The following PLEKHA7 variants were observed in gnomAD, a reference collection of about 807,000 sequenced individuals.
PLEKHA7 encodes the protein pleckstrin homology domain containing A7.
Under a neutral mutation model 170.0 loss-of-function variants are expected in PLEKHA7, and 104 were observed. The ratio of observed to expected loss-of-function variants is 0.61; its 90% CI spans 0.52 to 0.72. PLEKHA7 has a LOEUF of 0.72. Ranked by LOEUF, PLEKHA7 falls within the 30% of genes least tolerant of loss-of-function variation. The pLI, the probability that PLEKHA7 is intolerant of heterozygous loss-of-function variation, is 0.00. For missense variants in PLEKHA7, 1,615 were observed against 1,671.7 expected, an observed-to-expected ratio of 0.97 and a Z score of 0.59; for synonymous variants, 648 against 660.8, an observed-to-expected ratio of 0.98 and a Z score of 0.30.
At chr11:16,900,857 T>C (rs10832697) in intron 3 of PLEKHA7, among the ~76,000 whole-genome samples, 2 of 151,828 alleles carry the variant, frequency 1.3e-5, no homozygotes, top group Admixed American at 6.6e-5. Flanking sequence ...TTTATTTTTT[T>C]TTTTTTTTGA....
chr11:16,783,061 C>A (rs1849155035), intron 25 of PLEKHA7, among the ~76,000 whole-genome samples, 165 bp from the exon 26 acceptor site: 1 of 152,218 alleles, frequency 6.6e-6, no homozygotes, highest in Non-Finnish European at 1.5e-5. Context: ...CCCAAACACC[C>A]AAACGGTCCC....
chr11:16,838,697 T>TC (rs1851718306), intron 9 of PLEKHA7, among the ~76,000 whole-genome samples: 1 of 143,014 alleles, frequency 7.0e-6, no homozygotes, highest in South Asian at 2.3e-4. Context: ...AGTTTTCTTT[T>TC]TTTTTTTTTT....
intron 3 of PLEKHA7, among the ~76,000 whole-genome samples, chr11:16,995,666 G>T (rs529810945): frequency 6.6e-6 from 1 of 152,170 alleles, no homozygotes; most frequent in South Asian, 2.1e-4. Context: ...CAGGTAAATG[G>T]ACTTAAAATT....
intron 3 of PLEKHA7, among the ~76,000 whole-genome samples, chr11:16,981,157 A>T (rs1863403892): frequency 6.6e-6 from 1 of 152,236 alleles, no homozygotes; most frequent in Admixed American, 6.5e-5. Flanking sequence ...GGCCCTTACA[A>T]GGAATGGAAT....
At chr11:16,830,551 C>T (rs1310182098) in intron 9 of PLEKHA7, among the ~76,000 whole-genome samples, 1 of 152,188 alleles carries the variant, frequency 6.6e-6, no homozygotes, top group Non-Finnish European at 1.5e-5. Flanking sequence ...GACAGTGAAA[C>T]AAATATGCCA....
At chr11:16,818,791 CTTT>C in intron 10 of PLEKHA7, among the ~76,000 whole-genome samples, 1 of 148,724 alleles carries the variant, frequency 6.7e-6, no homozygotes, top group South Asian at 2.1e-4. Context: ...TATTTTCTTT[CTTT>C]TTTTTTTCTC....
intron 13 of PLEKHA7, among the ~76,000 whole-genome samples, chr11:16,808,818 C>T (rs1849161930): frequency 6.6e-6 from 1 of 152,190 alleles, no homozygotes; most frequent in Non-Finnish European, 1.5e-5. Flanking sequence ...AAGAGCAGAA[C>T]TTCAATGCCA....
chr11:16,957,406 A>G lies in PLEKHA7; in HGVS notation c.221+56583T>C, dbSNP rs112579292. The stretch of plus-strand genomic sequence containing the variant: ...CTTATTTAAATCGATCAATAAAAGC[A>G]TATCCAGCAGCCATTAAAAATTATC... On this transcript the variant is annotated intron_variant, in intron 3 of 26. Transcript: ENST00000531066. 4.2e-3 allele frequency among the ~76,000 whole-genome samples: 637 copies of G among 152,382 alleles called. 3 individuals are homozygous for G. The highest frequency in any genetic ancestry group is 0.014 in the African/African-American group (598 of 41,596).
chr11:16,860,395 T>A (rs990964254), intron 4 of PLEKHA7, among the ~76,000 whole-genome samples: 1 of 152,138 alleles, frequency 6.6e-6, no homozygotes, highest in African/African-American at 2.4e-5. Context: ...AGGCTCTCAA[T>A]CAACGGTGTG....
Position 17,014,373 on chromosome 11 carries a change from G to C in PLEKHA7, c.29C>G (p.Thr10Ser), listed in dbSNP as rs907753809. The C allele has an allele frequency of 4.3e-6, 6 of 1,407,542 alleles. No homozygotes were observed. The highest frequency in any genetic ancestry group is 5.6e-6 in the Non-Finnish European group (6 of 1,072,066). The allele number at this position is 1,407,542 out of a possible 1,614,324, so 87.2% of individuals were successfully genotyped here. The change falls in exon 1 of 27, where the codon ACT (threonine) becomes AGT (serine). Residue 10 changes from threonine (T) to serine (S), a missense_variant. Thr to Ser is a moderately conservative substitution (Grantham distance 58). Coordinates refer to ENST00000531066, the MANE Select transcript of PLEKHA7 (RefSeq NM_001329630.2). ...CCCGTAGGACCAATGCTCAGGTAAA[G>C]TGTCCCGCCCGACCGTCGCCGCCGC... MAAATVGRD[T>S]LPEHWSYGVC...
intron 12 of PLEKHA7, 42 bp from the exon 13 acceptor site, chr11:16,813,208 C>G (rs372271457): frequency 1.3e-6 from 2 of 1,536,030 alleles, no homozygotes; most frequent in African/African-American, 2.7e-5. Context: ...TTATGAACAC[C>G]AAGAGTTTCC....
At chr11:16,904,647 G>A (rs573520034) in intron 3 of PLEKHA7, among the ~76,000 whole-genome samples, 42 of 152,102 alleles carry the variant, frequency 2.8e-4, no homozygotes, top group African/African-American at 8.0e-4. Context: ...GCTTATTTGT[G>A]GAAAATTTAG....
At chr11:16,949,647 A>G (rs1169645210) in intron 3 of PLEKHA7, among the ~76,000 whole-genome samples, 3 of 152,176 alleles carry the variant, frequency 2.0e-5, no homozygotes, top group South Asian at 4.1e-4. Context: ...TCTGCCCACT[A>G]TATGCCTATC....
intron 3 of PLEKHA7, among the ~76,000 whole-genome samples, chr11:16,898,092 CT>C (rs2136009916): frequency 6.6e-6 from 1 of 152,230 alleles, no homozygotes; most frequent in Admixed American, 6.5e-5. Flanking sequence ...ACCAGGAACA[CT>C]TTCAGAATTC....
At chr11:16,966,598 C>T (rs1049824101) in intron 3 of PLEKHA7, among the ~76,000 whole-genome samples, 1 of 152,042 alleles carries the variant, frequency 6.6e-6, no homozygotes, top group African/African-American at 2.4e-5. Context: ...AGATCCAGGG[C>T]CTCTAACAAA....
intron 3 of PLEKHA7, among the ~76,000 whole-genome samples, chr11:16,988,734 C>T (rs1271926796): frequency 2.0e-5 from 3 of 152,270 alleles, no homozygotes; most frequent in Non-Finnish European, 4.4e-5. Context: ...GCATGAGCCA[C>T]CGCATCCAGC....
intron 3 of PLEKHA7, among the ~76,000 whole-genome samples, chr11:17,011,095 T>C (rs1038636588): frequency 2.6e-5 from 4 of 152,162 alleles, no homozygotes; most frequent in African/African-American, 4.8e-5. Context: ...CAAGTTACCA[T>C]GGAAGAGTCA....
intron 3 of PLEKHA7, among the ~76,000 whole-genome samples, chr11:16,948,311 A>C (rs1021043744): frequency 4.6e-5 from 7 of 152,242 alleles, no homozygotes; most frequent in Non-Finnish European, 1.0e-4. Context: ...AATTGCTGAT[A>C]GATTTTAAGT....
chr11:17,005,635 A>T (rs1161692140), intron 3 of PLEKHA7, among the ~76,000 whole-genome samples: 1 of 152,192 alleles, frequency 6.6e-6, no homozygotes, highest in Non-Finnish European at 1.5e-5. Context: ...TTCCCAACCC[A>T]GCATCTGTCC....
Sources: allele counts gnomAD v4.1 joint callset (sites outside exome capture counted in the v4.1 genomes callset), GRCh38; gene constraint gnomAD v4.1.1; transcripts MANE v1.5; gene names NCBI Gene and HGNC (gene_info 2026-07-23, HGNC 2026-07-21).